Variants in SLC26A7 observed in about 807,000 individuals in gnomAD.
SLC26A7 encodes the protein solute carrier family 26 member 7, also known as anion exchange transporter.
SLC26A7 carries 59 observed loss-of-function variants against 82.5 expected under a neutral mutation model. That is an observed-to-expected ratio of 0.72 (90% CI 0.58 to 0.89). The LOEUF (loss-of-function observed/expected upper bound fraction) is 0.89. SLC26A7 is among the 40% of genes least tolerant of loss of function. The probability of loss-of-function intolerance (pLI) is 0.00; values close to 1 mark genes in which losing one functional copy is unlikely to be tolerated. For missense variants in SLC26A7, 820 were observed against 793.0 expected (o/e 1.03, Z -0.41); for synonymous variants, 271 against 274.3 (o/e 0.99, Z 0.12).
At chr8:91,215,950 G>A (rs1810038109) in intron 1 of SLC26A7, among the ~76,000 whole-genome samples, 2 of 152,160 alleles carry the variant, frequency 1.3e-5, no homozygotes, top group African/African-American at 4.8e-5. Context: ...CAAGTGTTAA[G>A]GTGGTACGAG....
At chr8:91,291,687 T>G (rs960827651) in intron 3 of SLC26A7, among the ~76,000 whole-genome samples, 6 of 152,236 alleles carry the variant, frequency 3.9e-5, no homozygotes, top group African/African-American at 1.4e-4. Context: ...GTAAACATTT[T>G]ACAGATATTT....
chr8:91,334,308 T>G lies in SLC26A7; in HGVS notation c.656T>G (p.Val219Gly). Reference protein sequence around the residue: ...PLGFFYIYAYVFENIKSVRLE... With the variant: ...PLGFFYIYAYGFENIKSVRLE... ...TCATTACTGTAGATTTATGCATATG[T>G]TTTTGAAAACATCAAGTCTGTGCGA... Residue 219 changes from valine (V) to glycine (G), a missense_variant, in exon 6 of 19, where the codon GTT (valine) becomes GGT (glycine). Val to Gly is a moderately radical substitution (Grantham distance 109). Transcript: ENST00000276609. 1.2e-6 allele frequency: 2 copies of G among 1,610,438 alleles called. No homozygotes were observed. Among genetic ancestry groups the G allele is most frequent in the South Asian group, 1.1e-5 (1 of 90,230 alleles).
At chr8:91,333,409 T>C (rs971436241) in intron 5 of SLC26A7, among the ~76,000 whole-genome samples, 1 of 152,218 alleles carries the variant, frequency 6.6e-6, no homozygotes, top group Admixed American at 6.6e-5. Flanking sequence ...AATAGTTGTA[T>C]TGATTTCTTG....
chr8:91,378,678 G>A (rs1007720381), intron 15 of SLC26A7, among the ~76,000 whole-genome samples: 8 of 151,522 alleles, frequency 5.3e-5, no homozygotes, highest in East Asian at 1.9e-4. Context: ...GGAGAGCCCC[G>A]AGTCTTACTG....
intron 4 of SLC26A7, among the ~76,000 whole-genome samples, chr8:91,299,890 G>GT (rs1812115933): frequency 1.3e-5 from 2 of 152,174 alleles, no homozygotes; most frequent in Admixed American, 1.3e-4. Flanking sequence ...TAAAAAGTGC[G>GT]TAAGTTAAAA....
rs78901956 is a variant in SLC26A7 at position 91,256,397 on chromosome 8, A to G, written c.193+6553A>G. ...CAAGAATAAGGTCTGACCTCTAGGCATAAGGATATGAGTTTACTATACAAG... is the reference window on the plus strand; with the variant it reads ...CAAGAATAAGGTCTGACCTCTAGGCGTAAGGATATGAGTTTACTATACAAG... On this transcript the variant is annotated intron_variant, in intron 2 of 18. Coordinates refer to ENST00000276609, the MANE Select transcript of SLC26A7 (RefSeq NM_052832.4). 4.4e-3 allele frequency among the ~76,000 whole-genome samples: 672 copies of G among 152,234 alleles called. 5 individuals carry two copies. Among genetic ancestry groups the G allele is most frequent in the African/African-American group, 0.016 (654 of 41,546 alleles).
At position 91,395,133 on chromosome 8, in the gene SLC26A7, A is replaced by G; in HGVS notation, c.*36A>G. 2 of 1,612,318 alleles carry G rather than the reference A, an allele frequency of 1.2e-6. No homozygotes were observed. The highest frequency in any genetic ancestry group is 1.7e-6 in the Non-Finnish European group (2 of 1,178,986). ...TCACAGTACAGCTCTTGTCTTTACCAACTGCCTGAAGAGGCCATATGCTGG... is the reference window on the plus strand; with the variant it reads ...TCACAGTACAGCTCTTGTCTTTACCGACTGCCTGAAGAGGCCATATGCTGG... On this transcript the variant is annotated 3_prime_UTR_variant, in exon 19 of 19. Coordinates refer to ENST00000276609, the MANE Select transcript of SLC26A7 (RefSeq NM_052832.4).
At chr8:91,269,407 G>A (rs7824256) in intron 2 of SLC26A7, among the ~76,000 whole-genome samples, 2 of 151,744 alleles carry the variant, frequency 1.3e-5, no homozygotes, top group Non-Finnish European at 2.9e-5. Flanking sequence ...AACAGTTTTT[G>A]TTGTTGTTGT....
chr8:91,341,169 G>C (rs1813401597), intron 8 of SLC26A7, among the ~76,000 whole-genome samples: 1 of 151,268 alleles, frequency 6.6e-6, no homozygotes, highest in Non-Finnish European at 1.5e-5. Context: ...CCCAGAGTGT[G>C]ATATTCCGCT....
intron 2 of SLC26A7, among the ~76,000 whole-genome samples, chr8:91,271,291 A>G (rs892854846): frequency 3.9e-5 from 6 of 152,142 alleles, no homozygotes; most frequent in Admixed American, 3.9e-4. Context: ...TTATTGTTGT[A>G]TGCTGCATAT....
chr8:91,210,958 C>A (rs1157103088), intron 1 of SLC26A7, among the ~76,000 whole-genome samples: 1 of 151,986 alleles, frequency 6.6e-6, no homozygotes, highest in East Asian at 1.9e-4. Context: ...AAACTATATA[C>A]CACCAAAGTT....
intron 1 of SLC26A7, among the ~76,000 whole-genome samples, chr8:91,213,302 A>G (rs1392874096): frequency 6.6e-6 from 1 of 152,140 alleles, no homozygotes; most frequent in African/African-American, 2.4e-5. Flanking sequence ...GTGTCGTCTA[A>G]GCCAAGATGC....
In SLC26A7 at chr8:91,330,498, T is replaced by C. The variant is rs114905737; in HGVS notation, c.643-3797T>C. On this transcript the variant is annotated intron_variant, in intron 5 of 18. Coordinates refer to ENST00000276609, the MANE Select transcript of SLC26A7 (RefSeq NM_052832.4). ...AGTTGTGGTCAAATTATATTTAAGA[T>C]GCTAAATAGAAAGGACAAAGAACAC... 6.2e-3 allele frequency among the ~76,000 whole-genome samples: 951 copies of C among 152,278 alleles called. 7 individuals are homozygous for C. The highest frequency in any genetic ancestry group is 0.021 in the African/African-American group (864 of 41,556).
intron 1 of SLC26A7, among the ~76,000 whole-genome samples, chr8:91,215,471 T>C (rs193204517): frequency 6.6e-6 from 1 of 152,256 alleles, no homozygotes; most frequent in East Asian, 1.9e-4. Context: ...ACATAAAACT[T>C]AGCAAAGAGT....
intron 6 of SLC26A7, among the ~76,000 whole-genome samples, chr8:91,337,344 T>C (rs1775465094): frequency 6.6e-6 from 1 of 152,298 alleles, no homozygotes; most frequent in Non-Finnish European, 1.5e-5. Flanking sequence ...AAGTGGATAA[T>C]TGATGTGCCT....
At chr8:91,282,683 T>C (rs1252178641) in intron 2 of SLC26A7, among the ~76,000 whole-genome samples, 1 of 152,182 alleles carries the variant, frequency 6.6e-6, no homozygotes, top group African/African-American at 2.4e-5. Context: ...TCTCGTAGGT[T>C]CCAGGTCCTA....
chr8:91,289,671 G>A (rs114116306), intron 3 of SLC26A7, among the ~76,000 whole-genome samples: 28 of 152,024 alleles, frequency 1.8e-4, no homozygotes, highest in African/African-American at 6.7e-4. Flanking sequence ...GAAGGGAAAT[G>A]TTCTGAATTT....
At chr8:91,273,078 T>C (rs927751131) in intron 2 of SLC26A7, among the ~76,000 whole-genome samples, 1 of 152,168 alleles carries the variant, frequency 6.6e-6, no homozygotes, top group Non-Finnish European at 1.5e-5. Context: ...GGTTTCTTAA[T>C]TGGGTGACTG....
intron 15 of SLC26A7, among the ~76,000 whole-genome samples, chr8:91,377,665 T>G (rs1020428551): frequency 6.6e-6 from 1 of 152,172 alleles, no homozygotes; most frequent in Non-Finnish European, 1.5e-5. Flanking sequence ...CCAACAGCAT[T>G]GCACAGTCAC....
Sources: allele counts gnomAD v4.1 joint callset (sites outside exome capture counted in the v4.1 genomes callset), GRCh38; gene constraint gnomAD v4.1.1; transcripts MANE v1.5; gene names NCBI Gene and HGNC (gene_info 2026-07-23, HGNC 2026-07-21).